The following CIT variants were observed in gnomAD, a reference collection of about 807,000 sequenced individuals.
CIT encodes the protein citron Rho-interacting kinase.
Under a neutral mutation model 272.7 loss-of-function variants are expected in CIT, and 79 were observed. That is an observed-to-expected ratio of 0.29 (90% confidence interval 0.24 to 0.35). The LOEUF (loss-of-function observed/expected upper bound fraction) is 0.35. Ranked by LOEUF, CIT falls within the 10% of genes least tolerant of loss-of-function variation. The pLI, the probability that CIT is intolerant of heterozygous loss-of-function variation, is 1.00. For synonymous variants in CIT, 948 were observed against 995.6 expected (o/e 0.95, Z 0.90); for missense variants, 1,909 against 2,618.3 (o/e 0.73, Z 5.91).
intron 22 of CIT, among the ~76,000 whole-genome samples, chr12:119,753,926 C>A (rs982070889): frequency 2.0e-5 from 3 of 152,184 alleles, no homozygotes; most frequent in Admixed American, 6.5e-5. Flanking sequence ...CTAACGTCTA[C>A]TAATAAGTAG....
At chr12:119,803,685 G>A (rs897404689) in intron 9 of CIT, among the ~76,000 whole-genome samples, 1 of 152,172 alleles carries the variant, frequency 6.6e-6, no homozygotes. Flanking sequence ...AGCACTTGGG[G>A]AACTCGTGGG....
intron 3 of CIT, among the ~76,000 whole-genome samples, chr12:119,866,073 C>A (rs1215382980): frequency 6.6e-6 from 1 of 151,984 alleles, no homozygotes; most frequent in Non-Finnish European, 1.5e-5. Context: ...TTTGGGCATT[C>A]CAACAAAACC....
At chr12:119,855,573 C>T (rs1020567051) in intron 4 of CIT, among the ~76,000 whole-genome samples, 1 of 120,120 alleles carries the variant, frequency 8.3e-6, no homozygotes, top group Non-Finnish European at 1.6e-5. Context: ...ACTTCTTTTC[C>T]TTCCCTTCAC....
chr12:119,776,965 A>G (rs1023659085), intron 13 of CIT, 123 bp from the exon 14 acceptor site: 1 of 1,101,584 alleles, frequency 9.1e-7, no homozygotes, highest in African/African-American at 1.6e-5. Flanking sequence ...CTGGCAAAGA[A>G]AAGACCTGGC....
At chr12:119,862,808 T>TAAAAAAAAAAAAAAAAAAA (rs1157467178) in intron 3 of CIT, among the ~76,000 whole-genome samples, 3 of 10,250 alleles carry the variant, frequency 2.9e-4, no homozygotes, top group Non-Finnish European at 5.6e-4. Context: ...AGACTCTACC[T>TAAAAAAAAAAAAAAAAAAA]AAAAAAAAAA....
intron 37 of CIT, chr12:119,711,142 A>G (rs1467884541): frequency 7.4e-7 from 1 of 1,351,150 alleles, no homozygotes; most frequent in East Asian, 4.6e-5. Flanking sequence ...CACGTGTGAA[A>G]CGACCAACAA....
chr12:119,807,011 CAT>C (rs1966651314), intron 9 of CIT, among the ~76,000 whole-genome samples: 1 of 152,150 alleles, frequency 6.6e-6, no homozygotes, highest in Non-Finnish European at 1.5e-5. Context: ...GAGGGAATCA[CAT>C]AGAACCTTGA....
intron 7 of CIT, among the ~76,000 whole-genome samples, chr12:119,829,886 T>C (rs1023078209): frequency 2.0e-5 from 3 of 151,998 alleles, no homozygotes; most frequent in Non-Finnish European, 4.4e-5. Flanking sequence ...AATACGAAGA[T>C]ATTACGTGGG....
chr12:119,821,998 A>G (rs1237205996), intron 9 of CIT, among the ~76,000 whole-genome samples: 1 of 152,208 alleles, frequency 6.6e-6, no homozygotes, highest in Non-Finnish European at 1.5e-5. Context: ...ATTATAACAC[A>G]TCTCCAATCA....
chr12:119,758,135 T>C (rs967957846), intron 21 of CIT, among the ~76,000 whole-genome samples: 1 of 152,082 alleles, frequency 6.6e-6, no homozygotes, highest in Admixed American at 6.5e-5. Flanking sequence ...ATCCTGGAGA[T>C]TCTAATTCTC....
intron 6 of CIT, among the ~76,000 whole-genome samples, chr12:119,833,259 G>C (rs1968767613): frequency 6.6e-6 from 1 of 152,136 alleles, no homozygotes; most frequent in Non-Finnish European, 1.5e-5. Context: ...GAAAAGCTGA[G>C]ACTCTATCTC....
At chr12:119,799,572 A>AAG (rs1035993068) in intron 10 of CIT, among the ~76,000 whole-genome samples, 1 of 152,154 alleles carries the variant, frequency 6.6e-6, no homozygotes, top group African/African-American at 2.4e-5. Flanking sequence ...AATCAAAAGG[A>AAG]AGAGAGTGCC....
chr12:119,769,606 C>T (rs1962856233), intron 18 of CIT, among the ~76,000 whole-genome samples: 1 of 152,102 alleles, frequency 6.6e-6, no homozygotes, highest in South Asian at 2.1e-4. Flanking sequence ...TAATTTTATA[C>T]TCATGATAAA....
chr12:119,843,237 G>T (rs1969531171), intron 5 of CIT, among the ~76,000 whole-genome samples: 1 of 152,222 alleles, frequency 6.6e-6, no homozygotes. Context: ...TGCAAGAAAG[G>T]CCTGGTAAGT....
intron 26 of CIT, among the ~76,000 whole-genome samples, chr12:119,733,947 T>C (rs1026964882): frequency 2.0e-5 from 3 of 152,068 alleles, no homozygotes; most frequent in Non-Finnish European, 4.4e-5. Flanking sequence ...ATACCAGTCA[T>C]AGCCACAGAA....
At chr12:119,860,245 C>T (rs1950297214) in intron 3 of CIT, among the ~76,000 whole-genome samples, 1 of 152,172 alleles carries the variant, frequency 6.6e-6, no homozygotes, top group African/African-American at 2.4e-5. Flanking sequence ...CCCCACCCCT[C>T]ACTTCAGCAA....
rs1964382591 is a variant in CIT at position 119,782,412 on chromosome 12, TTCTC to T, written c.1665+102_1665+105del. On this transcript the variant is annotated intron_variant, in intron 13 of 47. Transcript: ENST00000392521. ...CTCTCTTCCACTCTGCCCCCACCCT[TTCTC>T]TCTCTCCCTTTCTTCCTATTTCTCT... 13 of 1,319,022 alleles carry T rather than the reference TTCTC, an allele frequency of 9.9e-6. No homozygotes were observed. In the South Asian group the frequency reaches 1.6e-4, roughly 16 times the overall value. 81.7% of individuals were successfully genotyped at this position (1,319,022 alleles called of 1,614,324 possible).
intron 5 of CIT, among the ~76,000 whole-genome samples, chr12:119,838,638 A>C (rs879486327): frequency 6.6e-6 from 1 of 152,210 alleles, no homozygotes; most frequent in Non-Finnish European, 1.5e-5. Context: ...GAAAGTTTCC[A>C]TAGCAGCAAT....
At chr12:119,814,604 C>T (rs1022570575) in intron 9 of CIT, among the ~76,000 whole-genome samples, 14 of 152,100 alleles carry the variant, frequency 9.2e-5, no homozygotes, top group Non-Finnish European at 2.9e-5. Context: ...TAAGGGCCAA[C>T]CAAGCCTAAC....
Sources: gnomAD v4.1 joint callset for allele counts (sites outside exome capture counted in the v4.1 genomes callset) on GRCh38, gnomAD v4.1.1 for gene constraint, MANE v1.5 for transcripts, NCBI Gene and HGNC (gene_info 2026-07-23, HGNC 2026-07-21) for gene names.